The following GSTCD variants were observed in gnomAD, a reference collection of about 807,000 sequenced individuals.
The protein encoded by GSTCD is glutathione S-transferase C-terminal domain containing, also known as glutathione S-transferase C-terminal domain-containing protein.
GSTCD carries 44 observed loss-of-function variants against 68.3 expected under a neutral mutation model. The observed-to-expected ratio is 0.64, with a 90% CI of 0.51 to 0.83. The LOEUF is 0.83. Ranked by LOEUF, GSTCD falls within the 40% of genes least tolerant of loss-of-function variation. The pLI is 0.00. For synonymous variants in GSTCD, 273 were observed against 255.2 expected (o/e 1.07, Z -0.67); for missense variants, 739 against 735.9 (o/e 1.00, Z -0.05).
chr4:105,791,755 C>CT (rs1033208107), intron 5 of GSTCD, among the ~76,000 whole-genome samples: 31 of 150,038 alleles, frequency 2.1e-4, no homozygotes, highest in Non-Finnish European at 4.3e-4. Context: ...ACACTAGGTA[C>CT]TTAAAACTTT....
At chr4:105,748,209 C>T (rs1733876928) in intron 5 of GSTCD, among the ~76,000 whole-genome samples, 1 of 151,922 alleles carries the variant, frequency 6.6e-6, no homozygotes, top group South Asian at 2.1e-4. Context: ...GAGTCAAGAT[C>T]ATGCCACTGT....
At chr4:105,795,483 T>A (rs976270808) in intron 5 of GSTCD, among the ~76,000 whole-genome samples, 2 of 152,126 alleles carry the variant, frequency 1.3e-5, no homozygotes. Flanking sequence ...CAGTGTATGA[T>A]CAATTTCATA....
At chr4:105,775,945 C>T (rs1253689028) in intron 5 of GSTCD, among the ~76,000 whole-genome samples, 2 of 152,230 alleles carry the variant, frequency 1.3e-5, no homozygotes, top group Non-Finnish European at 2.9e-5. Context: ...AGTGCGCACA[C>T]AGCTGCCCCA....
chr4:105,752,670 G>A (rs894561924), intron 5 of GSTCD, among the ~76,000 whole-genome samples: 2 of 151,980 alleles, frequency 1.3e-5, no homozygotes, highest in African/African-American at 4.8e-5. Flanking sequence ...TCACTAAGTT[G>A]TTTGTCATAG....
At chr4:105,748,023 G>A (rs1459900970) in intron 5 of GSTCD, among the ~76,000 whole-genome samples, 1 of 152,114 alleles carries the variant, frequency 6.6e-6, no homozygotes, top group African/African-American at 2.4e-5. Context: ...GGGAAGCTGA[G>A]GCGGGTGGAT....
chr4:105,821,522 A>G (rs1723290607), intron 5 of GSTCD, among the ~76,000 whole-genome samples: 1 of 151,940 alleles, frequency 6.6e-6, no homozygotes, highest in Admixed American at 6.6e-5. Flanking sequence ...CAGAGTATTG[A>G]CTTAAATATT....
At chr4:105,768,277 G>A (rs1015822418) in intron 5 of GSTCD, among the ~76,000 whole-genome samples, 7 of 152,106 alleles carry the variant, frequency 4.6e-5, no homozygotes, top group Non-Finnish European at 1.0e-4. Flanking sequence ...TGATCCGCCC[G>A]CCTCAGCCTC....
At chr4:105,740,248 C>T (rs1175082047) in intron 5 of GSTCD, among the ~76,000 whole-genome samples, 1 of 151,162 alleles carries the variant, frequency 6.6e-6, no homozygotes, top group East Asian at 2.0e-4. Context: ...TTAAGTACAC[C>T]GATCAACACT....
chr4:105,829,555 G>T (rs1157225460), intron 8 of GSTCD, among the ~76,000 whole-genome samples: 1 of 152,178 alleles, frequency 6.6e-6, no homozygotes, highest in Non-Finnish European at 1.5e-5. Context: ...GCAAGAGTGT[G>T]TGCAGGGAAA....
chr4:105,799,549 G>A (rs908365589), intron 5 of GSTCD, among the ~76,000 whole-genome samples: 8 of 152,138 alleles, frequency 5.3e-5, no homozygotes, highest in Non-Finnish European at 1.2e-4. Flanking sequence ...GAGAGGGAGA[G>A]AGACAGGAGA....
At chr4:105,715,122 T>G (rs1469785688) in intron 1 of GSTCD, among the ~76,000 whole-genome samples, 1 of 152,168 alleles carries the variant, frequency 6.6e-6, no homozygotes, top group African/African-American at 2.4e-5. Context: ...ACTCTCCTAC[T>G]GTCAGGAGAG....
chr4:105,742,916 G>C (rs1191158333), intron 5 of GSTCD, among the ~76,000 whole-genome samples: 1 of 149,234 alleles, frequency 6.7e-6, no homozygotes, highest in African/African-American at 2.5e-5. Context: ...AGGTCACACT[G>C]TGTTGCCTAG....
chr4:105,824,245 A>G (rs1042680210), intron 7 of GSTCD, among the ~76,000 whole-genome samples: 4 of 152,154 alleles, frequency 2.6e-5, no homozygotes, highest in Admixed American at 2.0e-4. Flanking sequence ...TTAGAGAATA[A>G]ACAGGAAAAT....
chr4:105,726,672 AC>A lies in GSTCD; in HGVS notation c.989del (p.Thr330LysfsTer17), dbSNP rs757919967. The part of the protein sequence containing the change: ...QRIQEVPGVK[T>X]AASKCGIQFL... ...GATTCAGGAAGTGCCAGGAGTAAAAACAGCAGCTTCTAAGTGTGGGATCCAA... is the reference window on the plus strand; with the variant it reads ...GATTCAGGAAGTGCCAGGAGTAAAAAAGCAGCTTCTAAGTGTGGGATCCAA... On this transcript the variant is annotated frameshift_variant, in exon 4 of 12. Coordinates refer to ENST00000515279, the MANE Select transcript of GSTCD (RefSeq NM_001370181.1). LOFTEE classifies it high-confidence loss of function. 1 of 1,613,978 alleles carries A rather than the reference AC, an allele frequency of 6.2e-7. No individual in the cohort carries two copies. The highest frequency in any genetic ancestry group is 8.5e-7 in the Non-Finnish European group (1 of 1,179,938).
At chr4:105,733,064 A>G (rs1350411874) in intron 5 of GSTCD, among the ~76,000 whole-genome samples, 1 of 152,102 alleles carries the variant, frequency 6.6e-6, no homozygotes, top group East Asian at 1.9e-4. Flanking sequence ...AGTTTGTTAT[A>G]ATTTCTGTTC....
At chr4:105,840,084 A>G (rs1053556417) in intron 10 of GSTCD, 8 of 383,694 alleles carry the variant, frequency 2.1e-5, no homozygotes, top group Non-Finnish European at 4.2e-5. Flanking sequence ...AGTACCTACC[A>G]TGTGCCTTGC....
intron 5 of GSTCD, among the ~76,000 whole-genome samples, chr4:105,793,997 G>C (rs1205015690): frequency 6.6e-6 from 1 of 152,028 alleles, no homozygotes; most frequent in Non-Finnish European, 1.5e-5. Flanking sequence ...ACTGTGGGTT[G>C]ATTTGGTATG....
At chr4:105,728,680 T>TATAGATATAG (rs368056265) in intron 4 of GSTCD, among the ~76,000 whole-genome samples, 32 of 146,946 alleles carry the variant, frequency 2.2e-4, no homozygotes, top group African/African-American at 8.3e-4. Flanking sequence ...TAGATATAGA[T>TATAGATATAG]ATATAGATAT....
chr4:105,752,557 A>G (rs921002738), intron 5 of GSTCD, among the ~76,000 whole-genome samples: 2 of 152,088 alleles, frequency 1.3e-5, no homozygotes, highest in South Asian at 4.1e-4. Context: ...TATTTAGGTC[A>G]TATGTAGGGT....
Sources: allele counts gnomAD v4.1 joint callset (sites outside exome capture counted in the v4.1 genomes callset), GRCh38; gene constraint gnomAD v4.1.1; transcripts MANE v1.5; gene names NCBI Gene and HGNC (gene_info 2026-07-23, HGNC 2026-07-21).